Variants in CPAP observed in about 807,000 individuals in gnomAD.
CPAP encodes the protein centrosomal P4.1-associated protein.
the CPAP span, chr13:24,906,732 G>A: frequency 1.9e-6 from 3 of 1,614,080 alleles, no homozygotes; most frequent in Non-Finnish European, 2.5e-6. Flanking sequence ...TTAAGGATAG[G>A]GTTGTCTGCA....
chr13:24,887,485 AT>A, the CPAP span, among the ~76,000 whole-genome samples: 1 of 152,200 alleles, frequency 6.6e-6, no homozygotes, highest in African/African-American at 2.4e-5. Context: ...CAAGAACCCT[AT>A]TGTGAACTGC....
At chr13:24,928,936 C>A in the CPAP span, among the ~76,000 whole-genome samples, 3 of 152,200 alleles carry the variant, frequency 2.0e-5, no homozygotes, top group African/African-American at 7.2e-5. Context: ...TAAAGGATTT[C>A]TAGCTTGAAT....
At chr13:24,918,519 C>T in the CPAP span, among the ~76,000 whole-genome samples, 1 of 152,078 alleles carries the variant, frequency 6.6e-6, no homozygotes, top group African/African-American at 2.4e-5. Flanking sequence ...GAGGCCTTAT[C>T]AATAACAGTT....
At chr13:24,883,186 C>T in the CPAP span, 3 of 1,613,714 alleles carry the variant, frequency 1.9e-6, no homozygotes, top group Middle Eastern at 1.6e-4. Context: ...GTCACAGCTC[C>T]GTGTCCATTA....
chr13:24,889,314 AC>A, the CPAP span: 1 of 1,597,470 alleles, frequency 6.3e-7, no homozygotes, highest in East Asian at 2.2e-5. Context: ...GCAGCCTCTT[AC>A]CTTGCATTGG....
the CPAP span, among the ~76,000 whole-genome samples, chr13:24,922,127 A>G: frequency 6.6e-6 from 1 of 152,246 alleles, no homozygotes; most frequent in Non-Finnish European, 1.5e-5. Context: ...ACCTCAATAA[A>G]ACTTTTAAAA....
At chr13:24,899,497 T>C in the CPAP span, 3 of 1,613,878 alleles carry the variant, frequency 1.9e-6, no homozygotes, top group Non-Finnish European at 2.5e-6. Context: ...TACGTTCCTT[T>C]TGTAGCTTCC....
At chr13:24,923,282 G>GT in the CPAP span, among the ~76,000 whole-genome samples, 5 of 150,934 alleles carry the variant, frequency 3.3e-5, no homozygotes, top group Non-Finnish European at 5.9e-5. Context: ...CTATTTTGTC[G>GT]TTTTTTTGGT....
At chr13:24,907,167 C>T in the CPAP span, 1 of 1,613,606 alleles carries the variant, frequency 6.2e-7, no homozygotes, top group Non-Finnish European at 8.5e-7. Flanking sequence ...GGTCTGTTTC[C>T]TTTCTCCAAT....
At chr13:24,884,234 ATAG>A in the CPAP span, 2 of 1,614,174 alleles carry the variant, frequency 1.2e-6, no homozygotes, top group African/African-American at 1.3e-5. Context: ...GGGCAGCTGC[ATAG>A]TAGTAGATCT....
chr13:24,925,452 G>C, the CPAP span, among the ~76,000 whole-genome samples: 1 of 152,148 alleles, frequency 6.6e-6, no homozygotes, highest in Non-Finnish European at 1.5e-5. Context: ...GAGCCTAGAC[G>C]TTTGAACGTT....
At chr13:24,912,899 CTT>C in the CPAP span, 4 of 1,614,186 alleles carry the variant, frequency 2.5e-6, no homozygotes, top group Middle Eastern at 3.3e-4. Flanking sequence ...GCTCGCTTCT[CTT>C]TGTCTGCTTC....
chr13:24,884,094 AGTT>A, the CPAP span: 876,149 of 1,611,820 alleles, frequency 0.54, 243,098 homozygotes, highest in East Asian at 0.81. Flanking sequence ...CTGTTTAAAA[AGTT>A]GTTACAGTAA....
At chr13:24,900,176 G>A in the CPAP span, among the ~76,000 whole-genome samples, 1 of 152,198 alleles carries the variant, frequency 6.6e-6, no homozygotes, top group Non-Finnish European at 1.5e-5. Flanking sequence ...GAAAATGAGA[G>A]AGCCAGTCAC....
the CPAP span, among the ~76,000 whole-genome samples, chr13:24,891,288 C>A: frequency 6.6e-6 from 1 of 152,154 alleles, no homozygotes; most frequent in African/African-American, 2.4e-5. Context: ...TGCCTACTCA[C>A]AGCCCTGCTG....
the CPAP span, chr13:24,910,114 G>A: frequency 1.9e-6 from 3 of 1,603,542 alleles, no homozygotes; most frequent in Non-Finnish European, 2.5e-6. Flanking sequence ...CAACAAAGCT[G>A]ATGACTTCCT....
chr13:24,912,950 GAGA>G, the CPAP span: 1 of 1,614,138 alleles, frequency 6.2e-7, no homozygotes, highest in African/African-American at 1.3e-5. Context: ...ACCCCAGCCC[GAGA>G]AGGATTGGTC....
chr13:24,900,724 G>A, the CPAP span, among the ~76,000 whole-genome samples: 5 of 152,200 alleles, frequency 3.3e-5, no homozygotes, highest in South Asian at 2.1e-4. Context: ...GAGCACAGAC[G>A]CGGGCAGCAG....
the CPAP span, among the ~76,000 whole-genome samples, chr13:24,896,538 G>T: frequency 6.6e-6 from 1 of 152,242 alleles, no homozygotes; most frequent in Non-Finnish European, 1.5e-5. Flanking sequence ...TAGCAGCCTG[G>T]ACTGCAGAGC....
Sources: allele counts gnomAD v4.1 joint callset (sites outside exome capture counted in the v4.1 genomes callset), GRCh38; gene constraint gnomAD v4.1.1; transcripts MANE v1.5; gene names NCBI Gene and HGNC (gene_info 2026-07-23, HGNC 2026-07-21).